DYNC2H1: variants seen among roughly 807,000 people sequenced by gnomAD.
The protein encoded by DYNC2H1 is dynein cytoplasmic 2 heavy chain 1, also known as cytoplasmic dynein 2 heavy chain 1.
A neutral mutation model predicts 570.0 loss-of-function variants in DYNC2H1; 410 were observed. That is an observed-to-expected ratio of 0.72 (90% CI 0.66 to 0.78). The LOEUF is 0.78. Ranked by LOEUF, DYNC2H1 falls within the 30% of genes least tolerant of loss-of-function variation. The pLI, the probability that DYNC2H1 is intolerant of heterozygous loss-of-function variation, is 0.00. For missense variants in DYNC2H1, 4,865 were observed against 5,046.4 expected, an observed-to-expected ratio of 0.96 and a Z score of 1.09; for synonymous variants, 1,688 against 1,677.6, an observed-to-expected ratio of 1.01 and a Z score of -0.15.
rs1345964374 is a variant in DYNC2H1 at position 103,461,758 on chromosome 11, T to TATTA, written c.12648+5403_12648+5406dup. Among the ~76,000 whole-genome samples, 1 of 151,392 alleles carries TATTA rather than the reference T, an allele frequency of 6.6e-6. No homozygotes were observed. Among genetic ancestry groups the TATTA allele is most frequent in the Middle Eastern group, 3.4e-3 (1 of 292 alleles). ...TTTTTTAATAATGTTTAATACTTTC[T>TATTA]ATTATTAAACATTTTAAACAAATAC... is the stretch of plus-strand genomic sequence containing the variant. On this transcript the variant is annotated intron_variant, in intron 87 of 88. Transcript: ENST00000375735. This position sits in a 1 kb window ranked among gnomAD's most constrained non-coding sequence, Gnocchi z 4.8.
rs144381224 is a variant in DYNC2H1, at chr11:103,163,525, G to A, written c.4611+378G>A. On this transcript the variant is annotated intron_variant, in intron 30 of 88. Transcript: ENST00000375735. This position sits in a 1 kb window ranked among gnomAD's most constrained non-coding sequence, Gnocchi z 4.6. ...TGGCAGGAACTTAGCAGGTATTAGT[G>A]TAAATCTGAAATAGTCATAACACTA... is the stretch of plus-strand genomic sequence containing the variant. Among the ~76,000 whole-genome samples, 4 of 152,272 alleles carry A rather than the reference G, an allele frequency of 2.6e-5. No homozygotes were observed. Among genetic ancestry groups the A allele is most frequent in the Non-Finnish European group, 4.4e-5 (3 of 68,016 alleles).
intron 17 of DYNC2H1, among the ~76,000 whole-genome samples, chr11:103,139,728 G>T (rs566872949): frequency 6.6e-6 from 1 of 151,850 alleles, no homozygotes; most frequent in East Asian, 1.9e-4. Flanking sequence ...ATGTCTATTA[G>T]GTCCACTTGG....
intron 17 of DYNC2H1, among the ~76,000 whole-genome samples, chr11:103,136,206 T>G (rs187195589): frequency 4.0e-5 from 6 of 150,544 alleles, no homozygotes; most frequent in Non-Finnish European, 8.9e-5. Flanking sequence ...TTTTTTATTT[T>G]TATTTTTTAT....
rs1861870824 is a variant in DYNC2H1, at chr11:103,177,434, A to T, written c.5875-122A>T. 1 of 910,334 alleles carries T rather than the reference A, an allele frequency of 1.1e-6. No homozygotes were observed. Among genetic ancestry groups the T allele is most frequent in the African/African-American group, 1.8e-5 (1 of 56,832 alleles). 56.4% of individuals were successfully genotyped at this position (910,334 alleles called of 1,614,324 possible). On this transcript the variant is annotated intron_variant, in intron 37 of 88. Transcript: ENST00000375735. The surrounding 1 kb of genome is among the most constrained non-coding windows in gnomAD (Gnocchi z 4.4). ...GGTAGTCTATTACATTTTAGGCAAT[A>T]CCTTCCACTGAAGAAATCAAAGGCT...
At chr11:103,327,462 A>G (rs535362370) in intron 82 of DYNC2H1, among the ~76,000 whole-genome samples, 45 of 152,288 alleles carry the variant, frequency 3.0e-4, no homozygotes, top group Admixed American at 2.7e-3. Flanking sequence ...GCTCCAAAAA[A>G]GGATTTGCTT....
chr11:103,440,382 T>C (rs1421137888), intron 85 of DYNC2H1, among the ~76,000 whole-genome samples: 1 of 152,164 alleles, frequency 6.6e-6, no homozygotes, highest in Non-Finnish European at 1.5e-5. Flanking sequence ...TTCAGTTTCA[T>C]GTCTTTAGTT....
chr11:103,458,921 C>CAAA (rs1944894024), intron 87 of DYNC2H1, among the ~76,000 whole-genome samples: 1 of 152,096 alleles, frequency 6.6e-6, no homozygotes, highest in Non-Finnish European at 1.5e-5. Context: ...ATCCACCTTC[C>CAAA]TCGGCCTCCC....
chr11:103,343,718 C>CAATAAAATAAAATAA (rs111312968), intron 82 of DYNC2H1, among the ~76,000 whole-genome samples: 10 of 151,496 alleles, frequency 6.6e-5, no homozygotes, highest in Non-Finnish European at 1.0e-4. Context: ...CCTTGTCAAT[C>CAATAAAATAAAATAA]AATAAAATAA....
chr11:103,383,534 C>T (rs1027618093), intron 83 of DYNC2H1, among the ~76,000 whole-genome samples: 14 of 150,606 alleles, frequency 9.3e-5, no homozygotes, highest in East Asian at 5.9e-4. Context: ...AGTGCAGTGG[C>T]GCAATCTTGG....
intron 70 of DYNC2H1, among the ~76,000 whole-genome samples, chr11:103,266,588 T>G (rs1865514227): frequency 6.6e-6 from 1 of 152,190 alleles, no homozygotes; most frequent in Non-Finnish European, 1.5e-5. Flanking sequence ...AGACTGCACT[T>G]TCACATGCTG....
intron 75 of DYNC2H1, among the ~76,000 whole-genome samples, chr11:103,297,511 A>G (rs1043248800): frequency 6.6e-6 from 1 of 152,106 alleles, no homozygotes; most frequent in African/African-American, 2.4e-5. Flanking sequence ...CACCTAGGCT[A>G]TGTAGTATAA....
At chr11:103,393,978 C>G (rs1462276474) in intron 83 of DYNC2H1, among the ~76,000 whole-genome samples, 1 of 152,170 alleles carries the variant, frequency 6.6e-6, no homozygotes, top group Non-Finnish European at 1.5e-5. Flanking sequence ...TTACCTCCCA[C>G]TGGGTCCCTC....
chr11:103,455,204 G>GA lies in DYNC2H1; in HGVS notation c.12480dup (p.Gln4161ThrfsTer6). On this transcript the variant is annotated frameshift_variant, in exon 86 of 89. Transcript: ENST00000375735. LOFTEE classifies it high-confidence loss of function. ...CCTCTAGAACTGGGTAGATAAAGCT[G>GA]AAAAACAGGCTCTTCTCTCTGAAAC... 8 of 1,613,192 alleles carry GA rather than the reference G, an allele frequency of 5.0e-6. No homozygotes were observed. The highest frequency in any genetic ancestry group is 6.8e-6 in the Non-Finnish European group (8 of 1,179,412).
At chr11:103,392,543 G>A (rs887255592) in intron 83 of DYNC2H1, among the ~76,000 whole-genome samples, 7 of 152,214 alleles carry the variant, frequency 4.6e-5, no homozygotes, top group Admixed American at 1.3e-4. Context: ...TACCTCAGCT[G>A]GAAATGCAGA....
Position 103,177,405 on chromosome 11 carries a change from T to C in DYNC2H1, c.5875-151T>C. ...TATATTGTAAATATGTTCAGATTTATTTAGGTAGTCTATTACATTTTAGGC... is the reference window on the plus strand; with the variant it reads ...TATATTGTAAATATGTTCAGATTTACTTAGGTAGTCTATTACATTTTAGGC... On this transcript the variant is annotated intron_variant, in intron 37 of 88. Transcript: ENST00000375735. The surrounding 1 kb of genome is among the most constrained non-coding windows in gnomAD (Gnocchi z 4.4). 1 of 624,692 alleles carries C rather than the reference T, an allele frequency of 1.6e-6. No homozygotes were observed. Among genetic ancestry groups the C allele is most frequent in the Non-Finnish European group, 2.6e-6 (1 of 383,928 alleles). 38.7% of individuals were successfully genotyped at this position (624,692 alleles called of 1,614,324 possible).
At chr11:103,291,306 C>T (rs1866587018) in intron 75 of DYNC2H1, among the ~76,000 whole-genome samples, 1 of 152,050 alleles carries the variant, frequency 6.6e-6, no homozygotes, top group Non-Finnish European at 1.5e-5. Context: ...GGTGTGGTGG[C>T]AGGCACCTGT....
intron 75 of DYNC2H1, among the ~76,000 whole-genome samples, chr11:103,302,536 C>G (rs887743033): frequency 6.6e-6 from 1 of 151,992 alleles, no homozygotes; most frequent in African/African-American, 2.4e-5. Context: ...ATGAAGCATT[C>G]TTTTCACTCT....
At position 103,259,943 on chromosome 11, in the gene DYNC2H1, T is replaced by C. The variant is rs750728413; in HGVS notation, c.10661T>C (p.Met3554Thr). 5.2e-6 allele frequency: 8 copies of C among 1,549,600 alleles called. No individual in the cohort carries two copies. In the South Asian group the frequency reaches 6.2e-5, roughly 12 times the overall value. Residue 3554 changes from methionine (M) to threonine (T), a missense_variant, in exon 70 of 89, where the codon ATG becomes ACG. Met to Thr is a moderately conservative substitution (Grantham distance 81, BLOSUM62 -1). Around this residue, in one of 5 missense-constraint regions of DYNC2H1, gnomAD observed 2,401 missense variants for 2,454.6 expected, o/e 0.98. Transcript: ENST00000375735. Reference sequence around the variant, plus strand: ...TCACTTATCAGCTCATTACAACATATGGTATATGAATATATATGTCGTTGT... The same window carrying C: ...TCACTTATCAGCTCATTACAACATACGGTATATGAATATATATGTCGTTGT... ...IQSLISSLQHMVYEYICRCLF... is the reference protein window; with the variant it reads ...IQSLISSLQHTVYEYICRCLF...
At chr11:103,237,263 C>G (rs1469855356) in intron 63 of DYNC2H1, among the ~76,000 whole-genome samples, 1 of 151,970 alleles carries the variant, frequency 6.6e-6, no homozygotes, top group African/African-American at 2.4e-5. Flanking sequence ...AGTAATCCTT[C>G]TCTCTGCCTA....
Sources: allele counts gnomAD v4.1 joint callset (sites outside exome capture counted in the v4.1 genomes callset), GRCh38; gene constraint gnomAD v4.1.1; regional missense constraint gnomAD v4.1.1; non-coding constraint Gnocchi (gnomAD v3.1); transcripts MANE v1.5; gene names NCBI Gene and HGNC (gene_info 2026-07-23, HGNC 2026-07-21).